ADAM19: variants seen among roughly 807,000 people sequenced by gnomAD.
ADAM19 encodes the protein disintegrin and metalloproteinase domain-containing protein 19.
ADAM19 carries 65 observed loss-of-function variants against 114.7 expected under a neutral mutation model. The ratio of observed to expected loss-of-function variants is 0.57; its 90% confidence interval spans 0.46 to 0.70. The LOEUF is 0.70. Ranked by LOEUF, ADAM19 falls within the 30% of genes least tolerant of loss-of-function variation. The pLI, the probability that ADAM19 is intolerant of heterozygous loss-of-function variation, is 0.00. For missense variants in ADAM19, 1,063 were observed against 1,204.7 expected (o/e 0.88, Z 1.74); for synonymous variants, 466 against 460.5 (o/e 1.01, Z -0.15).
At chr5:157,572,090 T>G (rs11738723) in intron 1 of ADAM19, among the ~76,000 whole-genome samples, 7,368 of 151,676 alleles carry the variant, frequency 0.049, 234 homozygotes, top group Middle Eastern at 0.092. Context: ...GGAGTCCTGT[T>G]TTTTTTTTCT....
intron 3 of ADAM19, among the ~76,000 whole-genome samples, chr5:157,554,027 G>A (rs1757277249): frequency 6.6e-6 from 1 of 151,472 alleles, no homozygotes; most frequent in Non-Finnish European, 1.5e-5. Flanking sequence ...ATTTCCAAGT[G>A]AAAAAAAATA....
intron 11 of ADAM19, among the ~76,000 whole-genome samples, chr5:157,504,845 C>CCGG (rs373233297): frequency 3.3e-5 from 5 of 150,522 alleles, no homozygotes; most frequent in South Asian, 4.2e-4. Context: ...TCATGTCCAG[C>CCGG]GCGGTGGCTC....
intron 16 of ADAM19, 97 bp from the exon 17 acceptor site, chr5:157,492,009 TG>T (rs1304843167): frequency 1.7e-6 from 2 of 1,162,690 alleles, no homozygotes; most frequent in African/African-American, 3.0e-5. Flanking sequence ...TGAGGACCCA[TG>T]GCCCGGCCTG....
chr5:157,504,344 G>A (rs6861100), intron 11 of ADAM19, among the ~76,000 whole-genome samples: 41,581 of 151,984 alleles, frequency 0.27, 6,617 homozygotes, highest in East Asian at 0.79. Context: ...TTTGCCTCTC[G>A]AGTTCAAGTG....
chr5:157,515,190 AC>A (rs1173609845), intron 7 of ADAM19, among the ~76,000 whole-genome samples: 2 of 152,154 alleles, frequency 1.3e-5, no homozygotes, highest in Admixed American at 1.3e-4. Flanking sequence ...TGTAACTTAG[AC>A]CTTTCCAAGG....
intron 3 of ADAM19, among the ~76,000 whole-genome samples, chr5:157,556,583 G>A (rs1295219444): frequency 5.3e-5 from 8 of 152,072 alleles, no homozygotes; most frequent in Non-Finnish European, 1.0e-4. Flanking sequence ...TTCGAATGTG[G>A]TTATCATTGG....
chr5:157,523,564 CA>C (rs1202591551), intron 5 of ADAM19, among the ~76,000 whole-genome samples: 1 of 152,174 alleles, frequency 6.6e-6, no homozygotes, highest in African/African-American at 2.4e-5. Flanking sequence ...TCTCTCTCAC[CA>C]CTTGATCTCT....
chr5:157,535,210 C>T (rs1334532820), intron 4 of ADAM19, among the ~76,000 whole-genome samples: 1 of 152,184 alleles, frequency 6.6e-6, no homozygotes, highest in Non-Finnish European at 1.5e-5. Flanking sequence ...TAGTTAAAGC[C>T]AAGATAACAA....
intron 3 of ADAM19, among the ~76,000 whole-genome samples, chr5:157,539,239 T>C (rs1204329561): frequency 1.3e-5 from 2 of 151,992 alleles, no homozygotes; most frequent in African/African-American, 4.8e-5. Flanking sequence ...GTTTACAATA[T>C]AAGTTGCATA....
At chr5:157,559,595 G>A (rs1407780699) in intron 3 of ADAM19, among the ~76,000 whole-genome samples, 1 of 152,154 alleles carries the variant, frequency 6.6e-6, no homozygotes, top group Non-Finnish European at 1.5e-5. Flanking sequence ...CTGGATGCCT[G>A]CAGCTAACTA....
intron 10 of ADAM19, 34 bp from the exon 11 acceptor site, chr5:157,505,842 G>A (rs1323775559): frequency 1.2e-6 from 2 of 1,606,278 alleles, no homozygotes; most frequent in Non-Finnish European, 1.7e-6. Context: ...TCAAGGTCAA[G>A]GGGACAGATC....
intron 12 of ADAM19, among the ~76,000 whole-genome samples, chr5:157,500,330 A>G (rs2113712203): frequency 6.6e-6 from 1 of 152,170 alleles, no homozygotes; most frequent in South Asian, 2.1e-4. Context: ...GAGTATGAAT[A>G]TTTTTCAAGG....
intron 5 of ADAM19, among the ~76,000 whole-genome samples, chr5:157,521,316 C>T (rs1453933130): frequency 6.6e-6 from 1 of 152,176 alleles, no homozygotes; most frequent in African/African-American, 2.4e-5. Flanking sequence ...GGAGTAAGCC[C>T]CATGGACTCT....
intron 21 of ADAM19, among the ~76,000 whole-genome samples, chr5:157,482,653 T>C (rs575056192): frequency 1.3e-5 from 2 of 152,274 alleles, no homozygotes; most frequent in South Asian, 4.2e-4. Flanking sequence ...CATTATTAAA[T>C]AGGGAGGATC....
Position 157,480,036 on chromosome 5 carries a change from A to T in ADAM19, c.*913T>A. 1.0e-6 allele frequency: 1 copy of T among 985,970 alleles called. No individual in the cohort carries two copies. Among genetic ancestry groups the T allele is most frequent in the Non-Finnish European group, 1.2e-6 (1 of 830,026 alleles). The allele number at this position is 985,970 out of a possible 1,614,324, so 61.1% of individuals were successfully genotyped here. ...GAGGGAAATCCAGTGGCCGACTGTG[A>T]GAGAGGACTCTGACTTGTAGGTCAC... On this transcript the variant is annotated 3_prime_UTR_variant, in exon 23 of 23. Transcript: ENST00000257527.
rs1045712378 is a variant in ADAM19 at position 157,477,449 on chromosome 5, G to T, written c.*3500C>A. Reference sequence around the variant, plus strand: ...CAAGAGAGAAGAAGATCTGTTTTCCGTGAACAATCTCCCAAATAAAAAGAA... The same window carrying T: ...CAAGAGAGAAGAAGATCTGTTTTCCTTGAACAATCTCCCAAATAAAAAGAA... On this transcript the variant is annotated 3_prime_UTR_variant, in exon 23 of 23. Transcript: ENST00000257527. 23 of 1,030,560 alleles carry T rather than the reference G, an allele frequency of 2.2e-5. No homozygotes were observed. In the Middle Eastern group the frequency reaches 1.4e-3, roughly 64 times the overall value. 63.8% of individuals were successfully genotyped at this position (1,030,560 alleles called of 1,614,324 possible).
At chr5:157,513,360 C>T in intron 8 of ADAM19, 74 bp downstream of exon 8, 4 of 1,452,204 alleles carry the variant, frequency 2.8e-6, no homozygotes, top group Non-Finnish European at 3.9e-6. Context: ...GCCAATCCAG[C>T]AGAAGGCAGC....
chr5:157,535,148 T>C (rs1473651585), intron 4 of ADAM19, among the ~76,000 whole-genome samples: 1 of 152,202 alleles, frequency 6.6e-6, no homozygotes, highest in Non-Finnish European at 1.5e-5. Flanking sequence ...AATTTGCAAA[T>C]GAGAAAACTC....
chr5:157,492,002 G>A, intron 16 of ADAM19, 90 bp from the exon 17 acceptor site: 1 of 1,290,358 alleles, frequency 7.7e-7, no homozygotes, highest in Non-Finnish European at 1.1e-6. Flanking sequence ...GAACATATGA[G>A]GACCCATGGC....
Sources: allele counts gnomAD v4.1 joint callset (sites outside exome capture counted in the v4.1 genomes callset), GRCh38; gene constraint gnomAD v4.1.1; transcripts MANE v1.5; gene names NCBI Gene and HGNC (gene_info 2026-07-23, HGNC 2026-07-21).